ZNF592: variants seen among roughly 807,000 people sequenced by gnomAD.
ZNF592 encodes the protein zinc finger protein 592.
Under a neutral mutation model 80.3 loss-of-function variants are expected in ZNF592, and 11 were observed. The observed-to-expected ratio is 0.14, with a 90% CI of 0.09 to 0.23. The LOEUF is 0.23. Ranked by LOEUF, ZNF592 falls within the 10% of genes least tolerant of loss-of-function variation. The pLI, the probability that ZNF592 is intolerant of heterozygous loss-of-function variation, is 1.00. For synonymous variants in ZNF592, 646 were observed against 640.3 expected, an observed-to-expected ratio of 1.01 and a Z score of -0.13; for missense variants, 1,420 against 1,633.9, an observed-to-expected ratio of 0.87 and a Z score of 2.26.
intron 3 of ZNF592, among the ~76,000 whole-genome samples, chr15:84,781,620 G>C (rs746095734): frequency 4.6e-5 from 7 of 152,136 alleles, no homozygotes; most frequent in Non-Finnish European, 8.8e-5. Context: ...TCTGCATCCA[G>C]AAAGGTTTTC....
Position 84,798,954 on chromosome 15 carries a change from C to T in ZNF592, c.3024+79C>T. On this transcript the variant is annotated intron_variant, in intron 8 of 10. Transcript: ENST00000560079. This position sits in a 1 kb window ranked among gnomAD's most constrained non-coding sequence, Gnocchi z 4.5. ...TGTGAAGCCAGAACCCCTAGGGTTC[C>T]TGGTGCTTAGGGCAGGGTGGGTACC... 1 of 1,596,698 alleles carries T rather than the reference C, an allele frequency of 6.3e-7. No homozygotes were observed. The highest frequency in any genetic ancestry group is 8.5e-7 in the Non-Finnish European group (1 of 1,171,670).
rs1762239735 is a variant in ZNF592, at chr15:84,804,039, T to G, written c.*1646T>G. 6.6e-6 allele frequency: 1 copy of G among 152,260 alleles called. No homozygotes were observed. The highest frequency in any genetic ancestry group is 2.4e-5 in the African/African-American group (1 of 41,478). The allele number at this position is 152,260 out of a possible 1,614,324, so 9.4% of individuals were successfully genotyped here. A position where few individuals can be genotyped will look rare whatever the true frequency, so the allele number is the denominator to read the frequency against. Reference sequence around the variant, plus strand: ...AGTTGAAAAAATACATTTTTTCCCCTCTATCAAATGCCAAGTTTTTAGTGG... The same window carrying G: ...AGTTGAAAAAATACATTTTTTCCCCGCTATCAAATGCCAAGTTTTTAGTGG... On this transcript the variant is annotated 3_prime_UTR_variant, in exon 11 of 11. Transcript: ENST00000560079.
rs763086021 is a variant in ZNF592 at position 84,804,592 on chromosome 15, TC to T, written c.*2202del. On this transcript the variant is annotated 3_prime_UTR_variant, in exon 11 of 11. Coordinates refer to ENST00000560079, the MANE Select transcript of ZNF592 (RefSeq NM_014630.3). ...TCTCCTTCACAATAGAGTTAGTAATTCCCATCCAACTGGCTTCACAGGCTTT... is the reference window on the plus strand; with the variant it reads ...TCTCCTTCACAATAGAGTTAGTAATTCCATCCAACTGGCTTCACAGGCTTT... 3 of 152,232 alleles carry T rather than the reference TC, an allele frequency of 2.0e-5. No individual in the cohort carries two copies. Among genetic ancestry groups the T allele is most frequent in the Non-Finnish European group, 4.4e-5 (3 of 68,044 alleles). The allele number at this position is 152,232 out of a possible 1,614,324, so 9.4% of individuals were successfully genotyped here. A position where few individuals can be genotyped will look rare whatever the true frequency, so the allele number is the denominator to read the frequency against.
At chr15:84,777,528 G>A (rs1441231080) in intron 2 of ZNF592, among the ~76,000 whole-genome samples, 4 of 151,520 alleles carry the variant, frequency 2.6e-5, no homozygotes, top group African/African-American at 9.7e-5. Context: ...CACTATGTTG[G>A]TCTTGAACTC....
chr15:84,776,612 C>T lies in ZNF592; in HGVS notation c.-149-1571C>T, dbSNP rs144936212. On this transcript the variant is annotated intron_variant, in intron 2 of 10. Transcript: ENST00000560079. ...CTCTATTAGAGATACAAAAATTAGCCGGGCATGGTGGCACACATCTGTAAT... is the reference window on the plus strand; with the variant it reads ...CTCTATTAGAGATACAAAAATTAGCTGGGCATGGTGGCACACATCTGTAAT... Among the ~76,000 whole-genome samples the T allele has an allele frequency of 6.1e-3, 935 of 152,176 alleles. 4 individuals are homozygous for T. The highest frequency in any genetic ancestry group is 0.021 in the African/African-American group (867 of 41,516).
In ZNF592 at chr15:84,760,241, C is replaced by T. The variant is rs143493504; in HGVS notation, c.-258-4466C>T. On this transcript the variant is annotated intron_variant, in intron 1 of 10. Transcript: ENST00000560079. ...CTTAGAGTCAAAGTCAAAGACCTAGCAATGGCCTGCCATCATCTGCTTCCC... is the reference window on the plus strand; with the variant it reads ...CTTAGAGTCAAAGTCAAAGACCTAGTAATGGCCTGCCATCATCTGCTTCCC... Among the ~76,000 whole-genome samples the T allele has an allele frequency of 4.3e-3, 655 of 152,266 alleles. 13 individuals are homozygous for T. Among genetic ancestry groups the T allele is most frequent in the African/African-American group, 0.014 (589 of 41,550 alleles).
rs769350772 is a variant in ZNF592 at position 84,783,891 on chromosome 15, G to T, written c.1216G>T (p.Val406Phe). The stretch of plus-strand genomic sequence containing the variant: ...TCCTGATGATCCAAGTAAGTCCCCT[G>T]TTGGGTCACCTCTAGGGAGCGCCAT... ...PDPDDPSKSP[V>F]GSPLGSAIAE... Residue 406 changes from valine (V) to phenylalanine (F), a missense_variant, in exon 4 of 11, where the codon GTT becomes TTT. Physicochemically the swap from Val to Phe is conservative, Grantham distance 50 (BLOSUM62 -1). Coordinates refer to ENST00000560079, the MANE Select transcript of ZNF592 (RefSeq NM_014630.3). The surrounding 1 kb of genome is among the most constrained non-coding windows in gnomAD (Gnocchi z 5.0). 1.2e-6 allele frequency: 2 copies of T among 1,614,178 alleles called. No homozygotes were observed. The highest frequency in any genetic ancestry group is 2.2e-5 in the South Asian group (2 of 91,084).
chr15:84,760,129 T>TGA (rs58140297), intron 1 of ZNF592, among the ~76,000 whole-genome samples: 4 of 147,300 alleles, frequency 2.7e-5, no homozygotes, highest in Middle Eastern at 3.5e-3. Flanking sequence ...GATAAGTGGT[T>TGA]AAAAAAAAAA....
At chr15:84,768,210 T>TTTTCTTTC (rs201888335) in intron 2 of ZNF592, among the ~76,000 whole-genome samples, 3 of 142,090 alleles carry the variant, frequency 2.1e-5, no homozygotes, top group South Asian at 2.2e-4. Flanking sequence ...TCTTCTTTCC[T>TTTTCTTTC]TTTCTTTCTT....
At chr15:84,754,963 GT>G (rs36104262) in intron 1 of ZNF592, among the ~76,000 whole-genome samples, 1,781 of 110,666 alleles carry the variant, frequency 0.016, 22 homozygotes, top group African/African-American at 0.044. Flanking sequence ...CCCCTGAGTT[GT>G]TTTTTTTTTT....
rs1963027820 is a variant in ZNF592, at chr15:84,799,355, A to T, written c.3137+145A>T. 1 of 891,502 alleles carries T rather than the reference A, an allele frequency of 1.1e-6. No individual in the cohort carries two copies. The highest frequency in any genetic ancestry group is 2.0e-5 in the Admixed American group (1 of 50,212). 55.2% of individuals were successfully genotyped at this position (891,502 alleles called of 1,614,324 possible). ...AACTGGAAGAAATTGCGGCTAAGTC[A>T]GAAATCAGGGGCAGGTCAAAAATCA... On this transcript the variant is annotated intron_variant, in intron 9 of 10. Coordinates refer to ENST00000560079, the MANE Select transcript of ZNF592 (RefSeq NM_014630.3). The surrounding 1 kb of genome is among the most constrained non-coding windows in gnomAD (Gnocchi z 4.2).
Position 84,802,189 on chromosome 15 carries a change from G to A in ZNF592, c.3600G>A (p.Glu1200=). 1 of 1,602,692 alleles carries A rather than the reference G, an allele frequency of 6.2e-7. No homozygotes were observed. Among genetic ancestry groups the A allele is most frequent in the Non-Finnish European group, 8.5e-7 (1 of 1,171,400 alleles). ...AAAEMAVEVA[E]PEEGSGEEVP... is the part of the protein sequence containing the mutation. Reference sequence around the variant, plus strand: ...CGGAGATGGCAGTGGAGGTGGCAGAGCCAGAGGAGGGCTCCGGGGAGGAGG... The same window carrying A: ...CGGAGATGGCAGTGGAGGTGGCAGAACCAGAGGAGGGCTCCGGGGAGGAGG... The change falls in exon 11 of 11, where the codon GAG becomes GAA. Residue 1200 remains glutamate, a synonymous_variant. Transcript: ENST00000560079.
At chr15:84,773,838 C>T (rs1962164352) in intron 2 of ZNF592, among the ~76,000 whole-genome samples, 1 of 152,176 alleles carries the variant, frequency 6.6e-6, no homozygotes, top group Non-Finnish European at 1.5e-5. Flanking sequence ...AGGACCTCTT[C>T]CAACTCTGGT....
At chr15:84,762,529 A>G (rs1383294485) in intron 1 of ZNF592, among the ~76,000 whole-genome samples, 4 of 152,166 alleles carry the variant, frequency 2.6e-5, no homozygotes, top group African/African-American at 7.2e-5. Context: ...TGGGGATCCT[A>G]TGGTGGCTCC....
At chr15:84,782,263 C>T (rs1962441753) in intron 3 of ZNF592, among the ~76,000 whole-genome samples, 1 of 152,134 alleles carries the variant, frequency 6.6e-6, no homozygotes, top group Admixed American at 6.5e-5. Context: ...ATGTATTAAT[C>T]AGTAGTTTTC....
intron 2 of ZNF592, among the ~76,000 whole-genome samples, chr15:84,766,279 T>C (rs566269254): frequency 4.3e-4 from 65 of 152,314 alleles, no homozygotes; most frequent in African/African-American, 1.5e-3. Context: ...ATTTTATCTG[T>C]AAACATTTCA....
At chr15:84,796,257 T>A (rs1567076234) in intron 5 of ZNF592, among the ~76,000 whole-genome samples, 8 of 26,456 alleles carry the variant, frequency 3.0e-4, no homozygotes, top group African/African-American at 6.0e-4. Flanking sequence ...TATATATATA[T>A]ATATATATTT....
At chr15:84,765,626 C>T (rs866544328) in intron 2 of ZNF592, among the ~76,000 whole-genome samples, 1 of 148,832 alleles carries the variant, frequency 6.7e-6, no homozygotes, top group African/African-American at 2.5e-5. Flanking sequence ...GAAACCTCCA[C>T]CTCCCGGGTT....
chr15:84,762,046 T>TTC (rs1899367998), intron 1 of ZNF592, among the ~76,000 whole-genome samples: 1 of 152,240 alleles, frequency 6.6e-6, no homozygotes, highest in Admixed American at 6.5e-5. Context: ...AAACGGCTGC[T>TTC]TCTTTATGAT....
Sources: gnomAD v4.1 joint callset for allele counts (sites outside exome capture counted in the v4.1 genomes callset) on GRCh38, gnomAD v4.1.1 for gene constraint, Gnocchi (gnomAD v3.1) non-coding constraint, MANE v1.5 for transcripts, NCBI Gene and HGNC (gene_info 2026-07-23, HGNC 2026-07-21) for gene names.